Variants in RARB observed in about 807,000 individuals in gnomAD.
The protein encoded by RARB is retinoic acid receptor beta.
A neutral mutation model predicts 51.9 loss-of-function variants in RARB; 17 were observed. The ratio of observed to expected loss-of-function variants is 0.33; its 90% CI spans 0.22 to 0.49. RARB has a LOEUF of 0.49. RARB is among the 20% of genes least tolerant of loss of function. RARB has a pLI of 0.99. For missense variants in RARB, 369 were observed against 550.8 expected (o/e 0.67, Z 3.30); for synonymous variants, 215 against 195.4 (o/e 1.10, Z -0.84).
chr3:25,106,290 T>G (rs1002108076), intron 3 of RARB, among the ~76,000 whole-genome samples: 3 of 35,902 alleles, frequency 8.4e-5, no homozygotes, highest in African/African-American at 3.5e-4. Flanking sequence ...TTCTTTTATT[T>G]TTTTTGAGAC....
chr3:24,842,905 C>T (rs936869051), intron 1 of RARB, among the ~76,000 whole-genome samples: 5 of 152,190 alleles, frequency 3.3e-5, no homozygotes, highest in South Asian at 2.1e-4. Context: ...TGGAGACTGC[C>T]GGGCTGAGCC....
At chr3:25,289,514 A>T (rs926258718) in intron 5 of RARB, among the ~76,000 whole-genome samples, 5 of 152,240 alleles carry the variant, frequency 3.3e-5, no homozygotes, top group Non-Finnish European at 5.9e-5. Context: ...GTTTGGCTCA[A>T]CAAAATGGCA....
intron 1 of RARB, among the ~76,000 whole-genome samples, chr3:25,454,728 G>T (rs934847435): frequency 1.3e-5 from 2 of 151,972 alleles, no homozygotes; most frequent in African/African-American, 4.8e-5. Flanking sequence ...AATGTTATCT[G>T]CTACTTAATC....
At chr3:25,288,756 T>A (rs143336966) in intron 5 of RARB, among the ~76,000 whole-genome samples, 2 of 136,766 alleles carry the variant, frequency 1.5e-5, no homozygotes, top group Non-Finnish European at 3.1e-5. Context: ...TTTGGAACTT[T>A]CCTCTTCTGT....
rs145866610 is a variant in RARB at position 25,088,733 on chromosome 3, T to C, written c.-328+28557T>C. ...GTGAAGCTATTTGGTGAACCAGATA[T>C]ATTTGCTATTCCAAAAGCAAAATTT... On this transcript the variant is annotated intron_variant, in intron 3 of 11. Transcript: ENST00000383772. 2.7e-3 allele frequency among the ~76,000 whole-genome samples: 417 copies of C among 152,268 alleles called. 1 individual carries two copies. Among genetic ancestry groups the C allele is most frequent in the African/African-American group, 9.7e-3 (405 of 41,570 alleles).
intron 5 of RARB, among the ~76,000 whole-genome samples, chr3:25,358,447 C>T (rs530269373): frequency 6.6e-6 from 1 of 152,190 alleles, no homozygotes; most frequent in East Asian, 1.9e-4. Flanking sequence ...TTGACTTCCT[C>T]TCTTCCTATT....
intron 5 of RARB, among the ~76,000 whole-genome samples, chr3:25,208,392 A>G (rs1701610531): frequency 6.6e-6 from 1 of 152,140 alleles, no homozygotes; most frequent in Non-Finnish European, 1.5e-5. Context: ...TGATTTCTCA[A>G]CTTCATTCCA....
chr3:25,261,606 T>G (rs1259156883), intron 5 of RARB, among the ~76,000 whole-genome samples: 1 of 152,140 alleles, frequency 6.6e-6, no homozygotes, highest in African/African-American at 2.4e-5. Context: ...TAATTCAGGT[T>G]ACAGATGCTG....
chr3:25,078,957 T>C (rs941484760), intron 3 of RARB, among the ~76,000 whole-genome samples: 2 of 152,212 alleles, frequency 1.3e-5, no homozygotes, highest in African/African-American at 2.4e-5. Context: ...AGAATTGTGC[T>C]GAATTTATAA....
At chr3:24,958,254 G>GGTTTTGTTTTT (rs1321125356) in intron 2 of RARB, among the ~76,000 whole-genome samples, 2 of 67,408 alleles carry the variant, frequency 3.0e-5, no homozygotes, top group Admixed American at 2.2e-4. Context: ...GAGCTGCTCA[G>GGTTTTGTTTTT]GTTTTTTTTT....
intron 3 of RARB, among the ~76,000 whole-genome samples, chr3:25,104,292 A>G (rs1699457707): frequency 6.6e-6 from 1 of 152,154 alleles, no homozygotes; most frequent in African/African-American, 2.4e-5. Context: ...TAACTTGGTA[A>G]AACCACTTTG....
At chr3:25,338,311 G>T (rs1447309050) in intron 5 of RARB, among the ~76,000 whole-genome samples, 2 of 152,148 alleles carry the variant, frequency 1.3e-5, no homozygotes, top group African/African-American at 4.8e-5. Context: ...CAAAAGGGAT[G>T]CTCTGCTCTG....
Position 25,594,654 on chromosome 3 carries a change from G to C in RARB, c.1126G>C (p.Asp376His), listed in dbSNP as rs1408289067. The change falls in exon 7 of 8, where the codon GAT becomes CAT. Residue 376 changes from aspartate (D) to histidine (H), a missense_variant. Transcript: ENST00000330688. ...TCCAAAGATCTTAATGAAAATCACA[G>C]ATCTCCGTAGCATCAGTGCTAAAGG... ...MFPKILMKIT[D>H]LRSISAKGAE... 1 of 1,613,030 alleles carries C rather than the reference G, an allele frequency of 6.2e-7. No homozygotes were observed. Among genetic ancestry groups the C allele is most frequent in the Admixed American group, 1.7e-5 (1 of 59,844 alleles).
chr3:25,585,738 G>A (rs1468239897), intron 5 of RARB, among the ~76,000 whole-genome samples: 4 of 152,210 alleles, frequency 2.6e-5, no homozygotes, highest in African/African-American at 4.8e-5. Context: ...CCTTGTAAAA[G>A]AGCCACTGCC....
At chr3:24,832,628 AATATATAT>A (rs10526610) in intron 1 of RARB, among the ~76,000 whole-genome samples, 10 of 88,444 alleles carry the variant, frequency 1.1e-4, no homozygotes, top group Admixed American at 2.7e-4. Flanking sequence ...ATTGAGTCCC[AATATATAT>A]ATATATATAT....
At chr3:25,348,543 A>C (rs940791910) in intron 5 of RARB, among the ~76,000 whole-genome samples, 1 of 152,130 alleles carries the variant, frequency 6.6e-6, no homozygotes, top group Non-Finnish European at 1.5e-5. Flanking sequence ...CAGTGGGTTT[A>C]AGTAAAAAAT....
intron 5 of RARB, among the ~76,000 whole-genome samples, chr3:25,226,589 A>T (rs1702061633): frequency 6.6e-6 from 1 of 152,198 alleles, no homozygotes; most frequent in Non-Finnish European, 1.5e-5. Flanking sequence ...ACAAGTGAAC[A>T]AGTACAACAT....
At chr3:25,084,447 T>C (rs1303720809) in intron 3 of RARB, among the ~76,000 whole-genome samples, 1 of 152,208 alleles carries the variant, frequency 6.6e-6, no homozygotes, top group Non-Finnish European at 1.5e-5. Flanking sequence ...AATATAGTTT[T>C]AAAGTTTTAT....
intron 5 of RARB, among the ~76,000 whole-genome samples, chr3:25,189,465 C>T (rs1383314054): frequency 6.6e-6 from 1 of 152,008 alleles, no homozygotes; most frequent in African/African-American, 2.4e-5. Context: ...GAGCAGGGGC[C>T]CCAGCAGTGC....
Sources: allele counts gnomAD v4.1 joint callset (sites outside exome capture counted in the v4.1 genomes callset), GRCh38; gene constraint gnomAD v4.1.1; transcripts MANE v1.5; gene names NCBI Gene and HGNC (gene_info 2026-07-23, HGNC 2026-07-21).